Variants in MAP3K5 observed in about 807,000 individuals in gnomAD.
MAP3K5 encodes the protein mitogen-activated protein kinase kinase kinase 5.
MAP3K5 carries 56 observed loss-of-function variants against 158.7 expected under a neutral mutation model. That is an observed-to-expected ratio of 0.35 (90% CI 0.28 to 0.44). MAP3K5 has a LOEUF of 0.44. MAP3K5 is among the 20% of genes least tolerant of loss of function. The pLI is 1.00. For missense variants in MAP3K5, 1,294 were observed against 1,674.8 expected (o/e 0.77, Z 3.97); for synonymous variants, 579 against 601.7 (o/e 0.96, Z 0.55).
In MAP3K5 at chr6:136,593,137, A is replaced by G. The variant is rs958381616; in HGVS notation, c.2879-523T>C. Among the ~76,000 whole-genome samples, 11 of 152,330 alleles carry G rather than the reference A, an allele frequency of 7.2e-5. No homozygotes were observed. The South Asian group carries it at 1.4e-3, about 20-fold the overall frequency. ...AGAGAAAATATGCTGACTGTCATATATCACAGTTCTGCTTAAGGATTCATA... is the reference window on the plus strand; with the variant it reads ...AGAGAAAATATGCTGACTGTCATATGTCACAGTTCTGCTTAAGGATTCATA... On this transcript the variant is annotated intron_variant, in intron 21 of 29. Coordinates refer to ENST00000359015, the MANE Select transcript of MAP3K5 (RefSeq NM_005923.4).
In MAP3K5 at chr6:136,791,968, CA is replaced by C; in HGVS notation, c.189del (p.Gly64AlafsTer33). On this transcript the variant is annotated frameshift_variant, in exon 1 of 30. Transcript: ENST00000359015. LOFTEE classifies it high-confidence loss of function. ...SFWNVESAAAPGIGCPAATSS... is the reference protein window; with the variant it reads ...SFWNVESAAAXGIGCPAATSS... Reference sequence around the variant, plus strand: ...GAGGTGGCCGCCGGACAACCGATGCCAGGGGCAGCGGCGCTCTCCACGTTCC... The same window carrying C: ...GAGGTGGCCGCCGGACAACCGATGCCGGGGCAGCGGCGCTCTCCACGTTCC... 1 of 1,609,204 alleles carries C rather than the reference CA, an allele frequency of 6.2e-7. No individual in the cohort carries two copies. The highest frequency in any genetic ancestry group is 1.7e-5 in the Admixed American group (1 of 59,786).
chr6:136,591,896 G>A (rs1461663927), intron 23 of MAP3K5, among the ~76,000 whole-genome samples: 1 of 152,198 alleles, frequency 6.6e-6, no homozygotes, highest in Admixed American at 6.5e-5. Flanking sequence ...AAAGAGGCTT[G>A]TAGGGGCTAT....
At chr6:136,688,585 G>C (rs1249224286) in intron 7 of MAP3K5, among the ~76,000 whole-genome samples, 1 of 152,048 alleles carries the variant, frequency 6.6e-6, no homozygotes, top group Non-Finnish European at 1.5e-5. Context: ...ATGTTCCTAG[G>C]CTAAATGGGA....
At chr6:136,589,026 G>C (rs765474896) in intron 23 of MAP3K5, among the ~76,000 whole-genome samples, 12 of 152,184 alleles carry the variant, frequency 7.9e-5, no homozygotes, top group Non-Finnish European at 1.8e-4. Context: ...CCTTCTATGA[G>C]ATCTAAAGAG....
chr6:136,582,946 T>C (rs541813897), intron 24 of MAP3K5, among the ~76,000 whole-genome samples: 7 of 152,308 alleles, frequency 4.6e-5, no homozygotes, highest in South Asian at 2.1e-4. Flanking sequence ...TTGTGTTGCA[T>C]AGCAACTCAA....
At chr6:136,592,044 G>A (rs558628457) in intron 23 of MAP3K5, 129 bp downstream of exon 23, 1 of 675,588 alleles carries the variant, frequency 1.5e-6, no homozygotes, top group Non-Finnish European at 2.3e-6. Context: ...TTTCCTGTGG[G>A]GTAGGTTTAT....
At chr6:136,728,176 C>A (rs1782055312) in intron 1 of MAP3K5, among the ~76,000 whole-genome samples, 1 of 152,080 alleles carries the variant, frequency 6.6e-6, no homozygotes, top group African/African-American at 2.4e-5. Flanking sequence ...AGCTTAATTG[C>A]ATTTTGGTCA....
intron 7 of MAP3K5, among the ~76,000 whole-genome samples, chr6:136,685,852 A>C (rs765849581): frequency 6.6e-6 from 1 of 152,186 alleles, no homozygotes; most frequent in African/African-American, 2.4e-5. Flanking sequence ...TCCTGGGTAT[A>C]TCTGGCCAGA....
At position 136,769,801 on chromosome 6, in the gene MAP3K5, G is replaced by A. The variant is rs1275694468; in HGVS notation, c.448+21909C>T. The stretch of plus-strand genomic sequence containing the variant: ...GAAGGAAGGAAGGAAGGAAGGGAGG[G>A]AGGGAGGGAGGGGACGGGAGGGAGG... On this transcript the variant is annotated intron_variant, in intron 1 of 29. Coordinates refer to ENST00000359015, the MANE Select transcript of MAP3K5 (RefSeq NM_005923.4). Among the ~76,000 whole-genome samples the A allele has an allele frequency of 7.4e-3, 338 of 45,888 alleles. 8 individuals are homozygous for A. Among genetic ancestry groups the A allele is most frequent in the Middle Eastern group, 0.038 (4 of 106 alleles). 30.1% of individuals were successfully genotyped at this position (45,888 alleles called of 152,430 possible).
At chr6:136,668,106 G>T (rs1198794463) in intron 8 of MAP3K5, among the ~76,000 whole-genome samples, 5 of 151,866 alleles carry the variant, frequency 3.3e-5, no homozygotes, top group Non-Finnish European at 7.4e-5. Context: ...AAGTGGGCCC[G>T]GTGCGGTGGC....
intron 1 of MAP3K5, among the ~76,000 whole-genome samples, chr6:136,754,964 T>C (rs2114939304): frequency 6.6e-6 from 1 of 152,232 alleles, no homozygotes. Context: ...CGTCTCCTCC[T>C]CAATCCACTG....
intron 14 of MAP3K5, among the ~76,000 whole-genome samples, chr6:136,635,338 T>C (rs1217230916): frequency 6.6e-6 from 1 of 152,054 alleles, no homozygotes; most frequent in African/African-American, 2.4e-5. Context: ...AGCCCTGAAG[T>C]AGGAGTCAAG....
chr6:136,739,914 G>A (rs560299216), intron 1 of MAP3K5, among the ~76,000 whole-genome samples: 1 of 152,282 alleles, frequency 6.6e-6, no homozygotes, highest in South Asian at 2.1e-4. Context: ...ACCATTAGCT[G>A]TCCCTTCCAT....
chr6:136,658,369 C>T (rs1218291100), intron 9 of MAP3K5, among the ~76,000 whole-genome samples: 2 of 124,984 alleles, frequency 1.6e-5, no homozygotes, highest in Non-Finnish European at 3.1e-5. Flanking sequence ...GGTTGAAATG[C>T]AGTGGCGCAA....
At chr6:136,660,404 T>C (rs1463966229) in intron 8 of MAP3K5, among the ~76,000 whole-genome samples, 1 of 149,776 alleles carries the variant, frequency 6.7e-6, no homozygotes, top group Non-Finnish European at 1.5e-5. Context: ...AAATTTAAAA[T>C]CTAAAAAAAA....
rs1440370169 is a variant in MAP3K5 at position 136,709,021 on chromosome 6, A to T, written c.589-3888T>A. On this transcript the variant is annotated intron_variant, in intron 2 of 29. Coordinates refer to ENST00000359015, the MANE Select transcript of MAP3K5 (RefSeq NM_005923.4). ...GCTGGCCTTCACTGTGTTCTGTGACACCCCCAACAGAAGTAGATTATGTCT... is the reference window on the plus strand; with the variant it reads ...GCTGGCCTTCACTGTGTTCTGTGACTCCCCCAACAGAAGTAGATTATGTCT... 5.9e-5 allele frequency among the ~76,000 whole-genome samples: 9 copies of T among 151,990 alleles called. No individual in the cohort carries two copies. The East Asian group carries it at 1.5e-3, about 26-fold the overall frequency.
At chr6:136,663,812 C>T (rs571025223) in intron 8 of MAP3K5, among the ~76,000 whole-genome samples, 2 of 152,088 alleles carry the variant, frequency 1.3e-5, no homozygotes, top group East Asian at 3.9e-4. Context: ...GGGGTTTCAT[C>T]ATGTTGGGCA....
chr6:136,732,744 C>T (rs1453860707), intron 1 of MAP3K5, among the ~76,000 whole-genome samples: 4 of 152,168 alleles, frequency 2.6e-5, no homozygotes, highest in African/African-American at 7.2e-5. Context: ...ATAGTAACAA[C>T]GCTTACAACT....
intron 1 of MAP3K5, among the ~76,000 whole-genome samples, chr6:136,781,994 T>C (rs1266321240): frequency 2.6e-5 from 4 of 150,986 alleles, no homozygotes; most frequent in Non-Finnish European, 4.4e-5. Flanking sequence ...GGCAGGTGAA[T>C]TGCTTGAGCC....
Sources: gnomAD v4.1 joint callset for allele counts (sites outside exome capture counted in the v4.1 genomes callset) on GRCh38, gnomAD v4.1.1 for gene constraint, MANE v1.5 for transcripts, NCBI Gene and HGNC (gene_info 2026-07-23, HGNC 2026-07-21) for gene names.